The following DYNC1I1 variants were observed in gnomAD, a reference collection of about 807,000 sequenced individuals.
DYNC1I1 encodes the protein dynein cytoplasmic 1 intermediate chain 1, also known as cytoplasmic dynein 1 intermediate chain 1.
A neutral mutation model predicts 86.6 loss-of-function variants in DYNC1I1; 43 were observed. That is an observed-to-expected ratio of 0.50 (90% confidence interval 0.39 to 0.64). DYNC1I1 has a LOEUF of 0.64. Ranked by LOEUF, DYNC1I1 falls within the 30% of genes least tolerant of loss-of-function variation. The pLI, the probability that DYNC1I1 is intolerant of heterozygous loss-of-function variation, is 0.00. For synonymous variants in DYNC1I1, 262 were observed against 283.7 expected (o/e 0.92, Z 0.77); for missense variants, 604 against 788.8 (o/e 0.77, Z 2.81).
At chr7:95,878,089 G>C (rs1790355851) in intron 6 of DYNC1I1, among the ~76,000 whole-genome samples, 1 of 152,094 alleles carries the variant, frequency 6.6e-6, no homozygotes, top group Non-Finnish European at 1.5e-5. Flanking sequence ...TAACAAACCT[G>C]GGGGTTGGGG....
At chr7:96,092,579 G>A (rs2116318639) in intron 16 of DYNC1I1, among the ~76,000 whole-genome samples, 1 of 152,148 alleles carries the variant, frequency 6.6e-6, no homozygotes, top group Non-Finnish European at 1.5e-5. Context: ...CTCCCTTTAG[G>A]TATACAGGAC....
intron 16 of DYNC1I1, among the ~76,000 whole-genome samples, chr7:96,088,376 A>T (rs1790745008): frequency 6.6e-6 from 1 of 152,178 alleles, no homozygotes; most frequent in Non-Finnish European, 1.5e-5. Flanking sequence ...ATGATCTATG[A>T]ATATAAACCT....
chr7:95,862,851 A>G (rs1325828231), intron 5 of DYNC1I1, among the ~76,000 whole-genome samples: 1 of 152,208 alleles, frequency 6.6e-6, no homozygotes, highest in Non-Finnish European at 1.5e-5. Context: ...CTGGTGTAAT[A>G]TTTGCATATA....
intron 6 of DYNC1I1, among the ~76,000 whole-genome samples, chr7:95,956,867 T>C (rs1479054956): frequency 1.3e-5 from 2 of 152,182 alleles, no homozygotes; most frequent in African/African-American, 4.8e-5. Flanking sequence ...CTTCATTTAA[T>C]TGGCTATTGG....
chr7:95,918,888 C>T (rs971614877), intron 6 of DYNC1I1, among the ~76,000 whole-genome samples: 5 of 152,130 alleles, frequency 3.3e-5, no homozygotes, highest in Admixed American at 2.0e-4. Context: ...GAATTCATGA[C>T]TTTTCCATTT....
At chr7:95,794,774 C>A (rs1470847915) in intron 1 of DYNC1I1, among the ~76,000 whole-genome samples, 1 of 152,128 alleles carries the variant, frequency 6.6e-6, no homozygotes, top group African/African-American at 2.4e-5. Context: ...TATGTAGACA[C>A]AACAGTCTTA....
intron 6 of DYNC1I1, among the ~76,000 whole-genome samples, chr7:95,974,419 C>T (rs1445384756): frequency 6.6e-6 from 1 of 152,032 alleles, no homozygotes; most frequent in Non-Finnish European, 1.5e-5. Flanking sequence ...GTTTAAAAAG[C>T]AATTTTGTAT....
intron 1 of DYNC1I1, among the ~76,000 whole-genome samples, chr7:95,801,036 A>T (rs190902766): frequency 1.4e-3 from 211 of 152,350 alleles, no homozygotes; most frequent in African/African-American, 4.9e-3. Flanking sequence ...TCGTTCATTC[A>T]CTATAATGTA....
chr7:95,875,230 C>G (rs3857801), intron 6 of DYNC1I1, among the ~76,000 whole-genome samples: 2 of 151,338 alleles, frequency 1.3e-5, no homozygotes, highest in East Asian at 3.9e-4. Context: ...TGCTAAGTGG[C>G]CAAGAATATA....
intron 2 of DYNC1I1, among the ~76,000 whole-genome samples, chr7:95,809,377 C>T (rs761496628): frequency 5.3e-5 from 8 of 152,168 alleles, no homozygotes; most frequent in Non-Finnish European, 1.2e-4. Flanking sequence ...ACCCAGCTTT[C>T]CTTGGGGAAG....
At chr7:96,014,919 C>G (rs1459016110) in intron 10 of DYNC1I1, among the ~76,000 whole-genome samples, 1 of 152,132 alleles carries the variant, frequency 6.6e-6, no homozygotes, top group Non-Finnish European at 1.5e-5. Flanking sequence ...GTCTTAGAAG[C>G]TTTCCTTAAC....
rs372034320 is a variant in DYNC1I1, at chr7:95,786,425, A to G, written c.-10+13652A>G. Among the ~76,000 whole-genome samples, 16 of 152,268 alleles carry G rather than the reference A, an allele frequency of 1.1e-4. No homozygotes were observed. In the South Asian group the frequency reaches 2.7e-3, roughly 26 times the overall value. On this transcript the variant is annotated intron_variant, in intron 1 of 16. Coordinates refer to ENST00000447467, the MANE Select transcript of DYNC1I1 (RefSeq NM_001135556.2). ...TTAGTACGTTATACCTTTGTCATGC[A>G]TGTATCCCATTTCACCTGCAATGTT...
chr7:95,909,498 C>T (rs975845724), intron 6 of DYNC1I1, among the ~76,000 whole-genome samples: 8 of 151,980 alleles, frequency 5.3e-5, no homozygotes, highest in African/African-American at 1.9e-4. Context: ...CATGCTCACA[C>T]TCTGCTGTCC....
At chr7:96,100,903 A>C (rs190092445), downstream of DYNC1I1, among the ~76,000 whole-genome samples, 1 of 152,176 alleles carries the variant, frequency 6.6e-6, no homozygotes, top group East Asian at 1.9e-4. Flanking sequence ...GTTATGTTAC[A>C]TAGGAACACC....
chr7:95,977,684 A>G, intron 7 of DYNC1I1, 83 bp downstream of exon 7: 1 of 1,309,704 alleles, frequency 7.6e-7, no homozygotes, highest in Non-Finnish European at 1.0e-6. Context: ...TATAGAGCTA[A>G]GTAAAAATTG....
chr7:95,812,064 G>A (rs1170426339), intron 3 of DYNC1I1, among the ~76,000 whole-genome samples: 2 of 152,052 alleles, frequency 1.3e-5, no homozygotes, highest in African/African-American at 4.8e-5. Context: ...CCATCTCTTC[G>A]ACTTACCCTC....
At chr7:96,107,134 T>C (rs1036297634) in intron 16 of DYNC1I1, among the ~76,000 whole-genome samples, 1 of 151,978 alleles carries the variant, frequency 6.6e-6, no homozygotes, top group Non-Finnish European at 1.5e-5. Flanking sequence ...TCAAGTCATG[T>C]TCATTCCTCA....
chr7:95,942,412 G>A (rs1792254673), intron 6 of DYNC1I1, among the ~76,000 whole-genome samples: 1 of 152,172 alleles, frequency 6.6e-6, no homozygotes, highest in Admixed American at 6.5e-5. Flanking sequence ...CCCAGGACCA[G>A]ATGGATTCAC....
intron 14 of DYNC1I1, among the ~76,000 whole-genome samples, chr7:96,043,024 G>T (rs530015150): frequency 6.8e-4 from 103 of 152,010 alleles, no homozygotes; most frequent in African/African-American, 2.4e-3. Context: ...GCTGGGCGTG[G>T]TGGGGTCTGC....
Sources: gnomAD v4.1 joint callset for allele counts (sites outside exome capture counted in the v4.1 genomes callset) on GRCh38, gnomAD v4.1.1 for gene constraint, MANE v1.5 for transcripts, NCBI Gene and HGNC (gene_info 2026-07-23, HGNC 2026-07-21) for gene names.